The following LRRC4C variants were observed in gnomAD, a reference collection of about 807,000 sequenced individuals.
LRRC4C encodes leucine-rich repeat-containing protein 4C.
A neutral mutation model predicts 33.6 loss-of-function variants in LRRC4C; 5 were observed. The ratio of observed to expected loss-of-function variants is 0.15; its 90% CI spans 0.08 to 0.31. The LOEUF (loss-of-function observed/expected upper bound fraction) is 0.31, where lower values mean the gene tolerates loss of function less well. LRRC4C is among the 10% of genes least tolerant of loss of function. LRRC4C has a pLI of 1.00. For missense variants in LRRC4C, 560 were observed against 796.7 expected (o/e 0.70, Z 3.58); for synonymous variants, 329 against 302.0 (o/e 1.09, Z -0.93).
intron 1 of LRRC4C, among the ~76,000 whole-genome samples, chr11:41,102,151 G>T (rs1397764581): frequency 6.6e-6 from 1 of 151,904 alleles, no homozygotes; most frequent in Non-Finnish European, 1.5e-5. Flanking sequence ...TTAAAAAAAA[G>T]TAATTTTAAT....
At chr11:41,149,185 A>C (rs1396698052) in intron 1 of LRRC4C, among the ~76,000 whole-genome samples, 1 of 152,190 alleles carries the variant, frequency 6.6e-6, no homozygotes, top group African/African-American at 2.4e-5. Context: ...AAAGTGAGAT[A>C]ATTGAAGGGT....
chr11:40,408,207 A>G (rs985524312), intron 3 of LRRC4C, among the ~76,000 whole-genome samples: 2 of 152,100 alleles, frequency 1.3e-5, no homozygotes, highest in South Asian at 2.1e-4. Flanking sequence ...ATACTCTGAA[A>G]TCCTTTGTTG....
chr11:40,306,569 C>A (rs779022394), intron 4 of LRRC4C, among the ~76,000 whole-genome samples: 4 of 152,204 alleles, frequency 2.6e-5, no homozygotes, highest in Non-Finnish European at 5.9e-5. Context: ...ATCCTGACCA[C>A]TCTTCCCATC....
intron 1 of LRRC4C, among the ~76,000 whole-genome samples, chr11:41,347,953 A>C (rs543792225): frequency 6.6e-6 from 1 of 152,356 alleles, no homozygotes; most frequent in East Asian, 1.9e-4. Context: ...CAAGGACATA[A>C]GAGTAGCTTA....
At chr11:40,632,558 G>C (rs911579192) in intron 3 of LRRC4C, among the ~76,000 whole-genome samples, 4 of 152,142 alleles carry the variant, frequency 2.6e-5, no homozygotes, top group African/African-American at 9.7e-5. Flanking sequence ...AAGGAAGTGG[G>C]GACATAGATG....
chr11:40,558,501 T>C (rs1210272201), intron 3 of LRRC4C, among the ~76,000 whole-genome samples: 3 of 152,182 alleles, frequency 2.0e-5, no homozygotes, highest in Non-Finnish European at 4.4e-5. Context: ...TGTTTTATGA[T>C]GAAGAAGAAT....
intron 4 of LRRC4C, among the ~76,000 whole-genome samples, chr11:40,265,007 G>C (rs184002965): frequency 1.9e-4 from 29 of 152,304 alleles, no homozygotes; most frequent in African/African-American, 5.1e-4. Flanking sequence ...TAAAAAAGCA[G>C]TCCAAGTGTT....
chr11:41,442,260 T>C lies in LRRC4C; in HGVS notation c.-496+17171A>G, dbSNP rs142307459. On this transcript the variant is annotated intron_variant, in intron 1 of 6. Transcript: ENST00000528697. Reference sequence around the variant, plus strand: ...AAATAAAAAATTCTATGACCCATAATACAAAGTCAAACTGCTTTCTAAAAA... The same window carrying C: ...AAATAAAAAATTCTATGACCCATAACACAAAGTCAAACTGCTTTCTAAAAA... Among the ~76,000 whole-genome samples, 899 of 152,024 alleles carry C rather than the reference T, an allele frequency of 5.9e-3. 1 individual carries two copies. The highest frequency in any genetic ancestry group is 0.01 in the Non-Finnish European group (682 of 67,974).
chr11:41,167,111 T>A (rs1944763930), intron 1 of LRRC4C, among the ~76,000 whole-genome samples: 1 of 152,018 alleles, frequency 6.6e-6, no homozygotes, highest in African/African-American at 2.4e-5. Context: ...TAGAAATATA[T>A]AGATATATAC....
intron 1 of LRRC4C, among the ~76,000 whole-genome samples, chr11:41,167,018 G>C (rs1944760067): frequency 6.6e-6 from 1 of 152,110 alleles, no homozygotes; most frequent in Non-Finnish European, 1.5e-5. Flanking sequence ...AGCTTTATGT[G>C]TTTTATTACA....
At chr11:40,676,223 A>T (rs1944392218) in intron 2 of LRRC4C, among the ~76,000 whole-genome samples, 1 of 152,126 alleles carries the variant, frequency 6.6e-6, no homozygotes, top group South Asian at 2.1e-4. Flanking sequence ...GAGTAGCATA[A>T]ATCTTTTATG....
intron 1 of LRRC4C, among the ~76,000 whole-genome samples, chr11:41,009,568 GA>G (rs141703629): frequency 7.8e-4 from 118 of 151,242 alleles, no homozygotes; most frequent in South Asian, 2.5e-3. Context: ...ACAAATTCAA[GA>G]AAAAAAAATC....
At chr11:41,337,871 G>A (rs1482024695) in intron 1 of LRRC4C, among the ~76,000 whole-genome samples, 5 of 152,008 alleles carry the variant, frequency 3.3e-5, no homozygotes, top group Admixed American at 1.3e-4. Context: ...CAAAAAATGG[G>A]CAAAGTATAT....
chr11:41,282,325 C>A (rs935318242), intron 1 of LRRC4C, among the ~76,000 whole-genome samples: 1 of 152,106 alleles, frequency 6.6e-6, no homozygotes, highest in African/African-American at 2.4e-5. Flanking sequence ...TGAAGGCAGG[C>A]GATTGAGAGG....
At chr11:40,872,691 T>A (rs1332554688) in intron 2 of LRRC4C, among the ~76,000 whole-genome samples, 1 of 152,102 alleles carries the variant, frequency 6.6e-6, no homozygotes, top group East Asian at 1.9e-4. Flanking sequence ...TTGGAAGACA[T>A]AGTGGGGATC....
chr11:40,589,630 C>T (rs1285156160), intron 3 of LRRC4C, among the ~76,000 whole-genome samples: 2 of 151,996 alleles, frequency 1.3e-5, no homozygotes, highest in African/African-American at 2.4e-5. Flanking sequence ...TGTTCCTTTC[C>T]ACGTTTAGTG....
intron 1 of LRRC4C, among the ~76,000 whole-genome samples, chr11:41,455,865 A>T (rs1032667978): frequency 2.0e-5 from 3 of 152,118 alleles, no homozygotes; most frequent in Non-Finnish European, 2.9e-5. Context: ...TTTGACTGAC[A>T]TCTTCTGATT....
chr11:41,292,335 A>T (rs1268395707), intron 1 of LRRC4C, among the ~76,000 whole-genome samples: 1 of 152,036 alleles, frequency 6.6e-6, no homozygotes, highest in Non-Finnish European at 1.5e-5. Flanking sequence ...TGCAGCCTGG[A>T]TCCTAGAATG....
rs1565346163 is a variant in LRRC4C at position 40,394,710 on chromosome 11, GA to G, written c.-269-74990del. 2.6e-5 allele frequency among the ~76,000 whole-genome samples: 4 copies of G among 152,202 alleles called. 1 individual carries two copies. The East Asian group carries it at 7.7e-4, about 29-fold the overall frequency. ...GGCAATGCAGAACAGGTAAATAATAGAAGAGGCAAAAGAAAGAGAGGAGAGA... is the reference window on the plus strand; with the variant it reads ...GGCAATGCAGAACAGGTAAATAATAGAGAGGCAAAAGAAAGAGAGGAGAGA... On this transcript the variant is annotated intron_variant, in intron 3 of 6. Transcript: ENST00000528697.
Sources: gnomAD v4.1 joint callset for allele counts (sites outside exome capture counted in the v4.1 genomes callset) on GRCh38, gnomAD v4.1.1 for gene constraint, MANE v1.5 for transcripts, NCBI Gene and HGNC (gene_info 2026-07-23, HGNC 2026-07-21) for gene names.